The following G2E3 variants were observed in gnomAD, a reference collection of about 807,000 sequenced individuals.
The protein encoded by G2E3 is G2/M-phase specific E3 ubiquitin protein ligase.
G2E3 carries 35 observed loss-of-function variants against 92.8 expected under a neutral mutation model. That is an observed-to-expected ratio of 0.38 (90% CI 0.29 to 0.50). G2E3 has a LOEUF of 0.50. Ranked by LOEUF, G2E3 falls within the 20% of genes least tolerant of loss-of-function variation. The pLI, the probability that G2E3 is intolerant of heterozygous loss-of-function variation, is 0.94. For synonymous variants in G2E3, 242 were observed against 272.4 expected (o/e 0.89, Z 1.10); for missense variants, 554 against 823.8 (o/e 0.67, Z 4.01).
chr14:30,579,499 C>A (rs1229678845), intron 1 of G2E3, among the ~76,000 whole-genome samples: 1 of 152,062 alleles, frequency 6.6e-6, no homozygotes, highest in Non-Finnish European at 1.5e-5. Context: ...AATATAAATT[C>A]TAATTGTAAG....
At position 30,615,343 on chromosome 14, in the gene G2E3, C is replaced by G; in HGVS notation, c.1674-6C>G. On this transcript the variant is annotated splice_polypyrimidine_tract_variant and splice_region_variant and intron_variant, in intron 13 of 14. Transcript: ENST00000206595. The stretch of plus-strand genomic sequence containing the variant: ...AATGTTGGCTCATTATTTTTCTTCT[C>G]TTAAGTTTTAAGCAGGGTCTGAAAA... 2 of 1,534,018 alleles carry G rather than the reference C, an allele frequency of 1.3e-6. No homozygotes were observed. Among genetic ancestry groups the G allele is most frequent in the Non-Finnish European group, 1.8e-6 (2 of 1,126,806 alleles).
chr14:30,601,932 A>G (rs745349733), intron 9 of G2E3, 38 bp downstream of exon 9: 2 of 1,604,220 alleles, frequency 1.2e-6, no homozygotes, highest in Non-Finnish European at 1.7e-6. Flanking sequence ...TTTTTATTCA[A>G]ATGTATATGA....
At chr14:30,616,129 A>C (rs1278027559) in intron 14 of G2E3, 149 bp from the exon 15 acceptor site, 1 of 621,850 alleles carries the variant, frequency 1.6e-6, no homozygotes, top group Non-Finnish European at 2.9e-6. Context: ...ACTACATCTG[A>C]CTTTGTGATT....
At position 30,579,890 on chromosome 14, in the gene G2E3, C is replaced by G. The variant is rs150679930; in HGVS notation, c.-4-1186C>G. ...TTGCACATACATTGTACTTAAATCT[C>G]ATTAACATTTCTAGTAGGCTGTTCA... On this transcript the variant is annotated intron_variant, in intron 1 of 14. Transcript: ENST00000206595. Among the ~76,000 whole-genome samples the G allele has an allele frequency of 3.3e-5, 5 of 152,300 alleles. No homozygotes were observed. In the East Asian group the frequency reaches 7.7e-4, roughly 23 times the overall value.
intron 4 of G2E3, among the ~76,000 whole-genome samples, chr14:30,591,901 C>T (rs1025681696): frequency 2.6e-5 from 4 of 152,086 alleles, no homozygotes; most frequent in African/African-American, 9.7e-5. Flanking sequence ...ATAGAGTGAT[C>T]TTAGCCTTTT....
In G2E3 at chr14:30,578,590, G is replaced by T. The variant is rs558436445; in HGVS notation, c.-4-2486G>T. 2.6e-5 allele frequency among the ~76,000 whole-genome samples: 4 copies of T among 152,308 alleles called. 1 individual carries two copies. The South Asian group carries it at 8.3e-4, about 32-fold the overall frequency. ...GTAAAATTTAAATGCACTACATTTT[G>T]TGGTGTCTAGGTTGGATGACAGTGT... On this transcript the variant is annotated intron_variant, in intron 1 of 14. Coordinates refer to ENST00000206595, the MANE Select transcript of G2E3 (RefSeq NM_017769.5).
intron 8 of G2E3, among the ~76,000 whole-genome samples, chr14:30,599,273 A>G (rs927350648): frequency 2.0e-5 from 3 of 151,930 alleles, no homozygotes; most frequent in Non-Finnish European, 4.4e-5. Flanking sequence ...TGTTGCCCAG[A>G]CTGGAGTACA....
chr14:30,568,821 A>G (rs1360902414), intron 1 of G2E3, among the ~76,000 whole-genome samples: 1 of 152,232 alleles, frequency 6.6e-6, no homozygotes, highest in Admixed American at 6.5e-5. Context: ...TAAAGGAAAA[A>G]GAGAATTACC....
rs1185715905 is a variant in G2E3, at chr14:30,617,032, T to C, written c.*498T>C. ...ATTCTGGGATTTGTGTTACTATGCATACTTTTCTAGGATGTCACCAAATTA... is the reference window on the plus strand; with the variant it reads ...ATTCTGGGATTTGTGTTACTATGCACACTTTTCTAGGATGTCACCAAATTA... On this transcript the variant is annotated 3_prime_UTR_variant, in exon 15 of 15. Transcript: ENST00000206595. 6.6e-6 allele frequency: 1 copy of C among 152,482 alleles called. No individual in the cohort carries two copies. Among genetic ancestry groups the C allele is most frequent in the Non-Finnish European group, 1.5e-5 (1 of 68,250 alleles). The allele number at this position is 152,482 out of a possible 1,614,324, so 9.4% of individuals were successfully genotyped here.
At chr14:30,607,835 G>T (rs1881902971) in intron 11 of G2E3, 53 bp from the exon 12 acceptor site, 7 of 914,410 alleles carry the variant, frequency 7.7e-6, no homozygotes, top group Non-Finnish European at 9.7e-6. Flanking sequence ...AAAAATGATG[G>T]TTATCTTATA....
chr14:30,576,737 G>A (rs1247974478), intron 1 of G2E3, among the ~76,000 whole-genome samples: 1 of 152,076 alleles, frequency 6.6e-6, no homozygotes, highest in Non-Finnish European at 1.5e-5. Flanking sequence ...AGAGTACATC[G>A]AATAATGCAA....
chr14:30,597,621 A>G (rs1035955405), intron 7 of G2E3, 95 bp downstream of exon 7: 1 of 739,466 alleles, frequency 1.4e-6, no homozygotes, highest in Non-Finnish European at 2.4e-6. Flanking sequence ...TTCAGTGAGC[A>G]TGGACAGGTA....
intron 1 of G2E3, among the ~76,000 whole-genome samples, chr14:30,571,996 C>T (rs1280387149): frequency 6.7e-6 from 1 of 149,876 alleles, no homozygotes; most frequent in Non-Finnish European, 1.5e-5. Flanking sequence ...GTTAAATTGA[C>T]ATCTTAACAA....
chr14:30,564,633 C>A (rs1879324622), intron 1 of G2E3, among the ~76,000 whole-genome samples: 1 of 152,176 alleles, frequency 6.6e-6, no homozygotes, highest in South Asian at 2.1e-4. Context: ...CATGCCCAGT[C>A]AAAAATTAGC....
rs1222723134 is a variant in G2E3, at chr14:30,617,932, T to TAAATCATTATGATAGGG, written c.*1409_*1410insATAGGGAAATCATTATG. The TAAATCATTATGATAGGG allele has an allele frequency of 6.6e-6, 1 of 152,102 alleles. No homozygotes were observed. The highest frequency in any genetic ancestry group is 2.4e-5 in the African/African-American group (1 of 41,418). The allele number at this position is 152,102 out of a possible 1,614,324, so 9.4% of individuals were successfully genotyped here. A position where few individuals can be genotyped will look rare whatever the true frequency, so the allele number is the denominator to read the frequency against. On this transcript the variant is annotated 3_prime_UTR_variant, in exon 15 of 15. Transcript: ENST00000206595. ...ATAATGGTTCAGTTTTCCATGAAAG[T>TAAATCATTATGATAGGG]AAATCATTATGGGAAGTAAAATGTT...
intron 1 of G2E3, among the ~76,000 whole-genome samples, chr14:30,571,100 T>G (rs1879734150): frequency 6.6e-6 from 1 of 152,054 alleles, no homozygotes; most frequent in Admixed American, 6.6e-5. Context: ...TTTTACATTT[T>G]GTATTTAGAG....
At chr14:30,583,354 A>G (rs1238246476) in intron 2 of G2E3, among the ~76,000 whole-genome samples, 1 of 152,178 alleles carries the variant, frequency 6.6e-6, no homozygotes, top group Non-Finnish European at 1.5e-5. Flanking sequence ...GCATAGTTTG[A>G]GGTAGGTACT....
chr14:30,590,508 G>C (rs571529070), intron 4 of G2E3: 42 of 365,862 alleles, frequency 1.1e-4, no homozygotes, highest in African/African-American at 8.7e-4. Context: ...TCCTGCCCCT[G>C]TCCATGTCCC....
At chr14:30,564,291 T>C (rs190719715) in intron 1 of G2E3, among the ~76,000 whole-genome samples, 20 of 152,332 alleles carry the variant, frequency 1.3e-4, no homozygotes, top group Admixed American at 8.5e-4. Flanking sequence ...CATCATATGA[T>C]AGGTGTACAT....
Sources: allele counts gnomAD v4.1 joint callset (sites outside exome capture counted in the v4.1 genomes callset), GRCh38; gene constraint gnomAD v4.1.1; transcripts MANE v1.5; gene names NCBI Gene and HGNC (gene_info 2026-07-23, HGNC 2026-07-21).